The following OSBPL6 variants were observed in gnomAD, a reference collection of about 807,000 sequenced individuals.
OSBPL6 encodes the protein oxysterol-binding protein-related protein 6.
A neutral mutation model predicts 125.8 loss-of-function variants in OSBPL6; 49 were observed. The observed-to-expected ratio is 0.39, with a 90% CI of 0.31 to 0.49. The LOEUF is 0.49. Among genes scored for constraint, OSBPL6 ranks in the 20% least tolerant of loss-of-function variants. OSBPL6 has a pLI of 0.88. For missense variants in OSBPL6, 986 were observed against 1,135.4 expected (o/e 0.87, Z 1.89); for synonymous variants, 394 against 391.8 (o/e 1.01, Z -0.07).
chr2:178,274,454 T>C (rs2092430895), intron 1 of OSBPL6, among the ~76,000 whole-genome samples: 1 of 152,124 alleles, frequency 6.6e-6, no homozygotes, highest in African/African-American at 2.4e-5. Context: ...ATAAACTAAT[T>C]TAATCCTCAG....
intron 13 of OSBPL6, among the ~76,000 whole-genome samples, chr2:178,364,885 T>C (rs1482179783): frequency 6.6e-6 from 1 of 152,108 alleles, no homozygotes; most frequent in Non-Finnish European, 1.5e-5. Context: ...AACATTAACA[T>C]TTAAACGACA....
At chr2:178,287,841 G>C (rs1684851374) in intron 2 of OSBPL6, among the ~76,000 whole-genome samples, 1 of 152,114 alleles carries the variant, frequency 6.6e-6, no homozygotes, top group Non-Finnish European at 1.5e-5. Flanking sequence ...CCTGTTATCA[G>C]CTCCACATTC....
intron 11 of OSBPL6, among the ~76,000 whole-genome samples, chr2:178,342,309 T>C (rs1690284783): frequency 6.6e-6 from 1 of 152,220 alleles, no homozygotes; most frequent in Non-Finnish European, 1.5e-5. Flanking sequence ...GTTGTTGTTA[T>C]CAATGTTGTG....
chr2:178,385,471 C>T lies in OSBPL6; in HGVS notation c.2027C>T (p.Pro676Leu). ...TTTAATTACCAGGTTAGCCATCATC[C>T]ACCCATTTCTGCCTGTCACTGTGAA... ...RFFSEQVSHH[P>L]PISACHCESK... Residue 676 changes from proline (P) to leucine (L), a missense_variant, in exon 19 of 25, where the codon CCA becomes CTA. Transcript: ENST00000190611. 6.2e-7 allele frequency: 1 copy of T among 1,610,936 alleles called. No homozygotes were observed. Among genetic ancestry groups the T allele is most frequent in the African/African-American group, 1.3e-5 (1 of 74,964 alleles).
chr2:178,224,690 T>C (rs2090477664), intron 1 of OSBPL6, among the ~76,000 whole-genome samples: 1 of 152,204 alleles, frequency 6.6e-6, no homozygotes, highest in African/African-American at 2.4e-5. Flanking sequence ...ATCCCAGCAC[T>C]TTGGCAGGCT....
intron 2 of OSBPL6, among the ~76,000 whole-genome samples, chr2:178,295,246 C>T (rs1171372625): frequency 6.6e-6 from 1 of 152,096 alleles, no homozygotes; most frequent in East Asian, 1.9e-4. Flanking sequence ...GACCTGCCTG[C>T]CATGGGATGC....
intron 12 of OSBPL6, among the ~76,000 whole-genome samples, chr2:178,353,078 C>T (rs1691435262): frequency 6.6e-6 from 1 of 152,218 alleles, no homozygotes; most frequent in Admixed American, 6.5e-5. Context: ...TACACCAAAA[C>T]CCCATTTGTA....
intron 1 of OSBPL6, among the ~76,000 whole-genome samples, chr2:178,234,577 T>C (rs1416292585): frequency 6.6e-6 from 1 of 152,214 alleles, no homozygotes; most frequent in African/African-American, 2.4e-5. Context: ...AACCCTGACA[T>C]AGACATTAGT....
intron 1 of OSBPL6, among the ~76,000 whole-genome samples, chr2:178,235,555 T>TA (rs1244228348): frequency 1.3e-5 from 2 of 151,792 alleles, no homozygotes; most frequent in Non-Finnish European, 2.9e-5. Context: ...TACAGGCATG[T>TA]GCCACTACGC....
intron 22 of OSBPL6, 58 bp downstream of exon 22, chr2:178,391,275 G>A: frequency 6.7e-7 from 1 of 1,489,604 alleles, no homozygotes; most frequent in Non-Finnish European, 8.9e-7. Context: ...CAGAAGGGAA[G>A]AGAACATCAG....
chr2:178,267,353 CA>C (rs57444695), intron 1 of OSBPL6, among the ~76,000 whole-genome samples: 38,863 of 82,228 alleles, frequency 0.47, 5,798 homozygotes, highest in Middle Eastern at 0.52. Flanking sequence ...AACTCCATCT[CA>C]AAAAAAAAAA....
At chr2:178,321,998 G>C (rs1254218306) in intron 3 of OSBPL6, among the ~76,000 whole-genome samples, 1 of 152,140 alleles carries the variant, frequency 6.6e-6, no homozygotes, top group Non-Finnish European at 1.5e-5. Flanking sequence ...GGTTTGTGTG[G>C]TTGCTAACTA....
chr2:178,266,532 G>A (rs959026527), intron 1 of OSBPL6, among the ~76,000 whole-genome samples: 3 of 152,116 alleles, frequency 2.0e-5, no homozygotes, highest in Admixed American at 6.5e-5. Context: ...AGCTTGCTCC[G>A]TCTGTAAGGT....
intron 1 of OSBPL6, among the ~76,000 whole-genome samples, chr2:178,236,851 T>C (rs908871952): frequency 1.3e-5 from 2 of 152,182 alleles, no homozygotes; most frequent in East Asian, 3.9e-4. Context: ...CTTTCTCTTT[T>C]TCACTTTTCC....
At chr2:178,368,990 T>A (rs1003902620) in intron 13 of OSBPL6, among the ~76,000 whole-genome samples, 1 of 152,012 alleles carries the variant, frequency 6.6e-6, no homozygotes, top group Non-Finnish European at 1.5e-5. Flanking sequence ...AGAGTTGGGG[T>A]TTCACTATGT....
At chr2:178,279,181 C>T (rs1010147091) in intron 1 of OSBPL6, among the ~76,000 whole-genome samples, 1 of 152,154 alleles carries the variant, frequency 6.6e-6, no homozygotes, top group Admixed American at 6.5e-5. Flanking sequence ...GCATTATATG[C>T]ATTTACCTAG....
intron 1 of OSBPL6, among the ~76,000 whole-genome samples, chr2:178,209,923 C>G (rs903118366): frequency 3.3e-5 from 5 of 151,130 alleles, no homozygotes; most frequent in Admixed American, 1.3e-4. Context: ...CTTTTTTTCC[C>G]GCTTTTCTTT....
intron 1 of OSBPL6, among the ~76,000 whole-genome samples, chr2:178,246,717 A>G (rs1348278067): frequency 6.6e-6 from 1 of 152,212 alleles, no homozygotes; most frequent in Non-Finnish European, 1.5e-5. Context: ...TGATGCATTT[A>G]TCTCAGAATT....
chr2:178,382,962 C>T, intron 16 of OSBPL6, 62 bp from the exon 17 acceptor site: 1 of 1,575,730 alleles, frequency 6.3e-7, no homozygotes, highest in Non-Finnish European at 8.6e-7. Flanking sequence ...AGTTATTTCC[C>T]TTCTTGATTT....
Sources: allele counts gnomAD v4.1 joint callset (sites outside exome capture counted in the v4.1 genomes callset), GRCh38; gene constraint gnomAD v4.1.1; transcripts MANE v1.5; gene names NCBI Gene and HGNC (gene_info 2026-07-23, HGNC 2026-07-21).